EXOC5: variants seen among roughly 807,000 people sequenced by gnomAD.
EXOC5 encodes the protein SEC10-like 1.
A neutral mutation model predicts 90.8 loss-of-function variants in EXOC5; 17 were observed. The ratio of observed to expected loss-of-function variants is 0.19; its 90% confidence interval spans 0.13 to 0.28. The LOEUF (loss-of-function observed/expected upper bound fraction) is 0.28, where lower values mean the gene tolerates loss of function less well. Among genes scored for constraint, EXOC5 ranks in the 10% least tolerant of loss-of-function variants. The probability of loss-of-function intolerance (pLI) is 1.00; values close to 1 mark genes in which losing one functional copy is unlikely to be tolerated. For missense variants in EXOC5, 569 were observed against 830.6 expected (o/e 0.69, Z 3.87); for synonymous variants, 260 against 270.0 (o/e 0.96, Z 0.36).
At chr14:57,235,967 C>T in intron 6 of EXOC5, 147 bp from the exon 7 acceptor site, 1 of 585,276 alleles carries the variant, frequency 1.7e-6, no homozygotes, top group Non-Finnish European at 3.1e-6. Context: ...AGGCCGTGAA[C>T]CCAGCCCCTG....
intron 1 of EXOC5, among the ~76,000 whole-genome samples, chr14:57,265,032 G>A (rs1012964809): frequency 6.6e-6 from 1 of 151,936 alleles, no homozygotes; most frequent in African/African-American, 2.4e-5. Context: ...AAAAAAGTTG[G>A]GGAAATGGAC....
intron 15 of EXOC5, 98 bp downstream of exon 15, chr14:57,217,884 A>G: frequency 2.9e-6 from 2 of 689,108 alleles, no homozygotes; most frequent in Admixed American, 5.5e-5. Flanking sequence ...GGTGGAATTA[A>G]GATAAATATT....
intron 1 of EXOC5, among the ~76,000 whole-genome samples, chr14:57,265,548 C>T (rs1308605324): frequency 3.3e-5 from 5 of 152,174 alleles, no homozygotes; most frequent in Admixed American, 3.3e-4. Context: ...CATGGTAAAA[C>T]CTTATTTCTG....
intron 2 of EXOC5, 47 bp downstream of exon 2, chr14:57,247,571 A>G (rs1445755788): frequency 2.4e-6 from 2 of 822,720 alleles, no homozygotes; most frequent in Non-Finnish European, 3.9e-6. Flanking sequence ...TCTAACACTA[A>G]TGTGTACCAG....
At position 57,202,482 on chromosome 14, in the gene EXOC5, T is replaced by C. The variant is rs912962580; in HGVS notation, c.*6127A>G. Reference sequence around the variant, plus strand: ...GCAGCATCATGACAGCGACTTATTCTCAAAAGGGAAAAATTTTATTTGTAC... The same window carrying C: ...GCAGCATCATGACAGCGACTTATTCCCAAAAGGGAAAAATTTTATTTGTAC... On this transcript the variant is annotated 3_prime_UTR_variant, in exon 18 of 18. Coordinates refer to ENST00000621441, the MANE Select transcript of EXOC5 (RefSeq NM_006544.4). The C allele has an allele frequency of 7.9e-5, 12 of 152,314 alleles. No individual in the cohort carries two copies. Among genetic ancestry groups the C allele is most frequent in the Admixed American group, 7.8e-4 (12 of 15,302 alleles). The allele number at this position is 152,314 out of a possible 1,614,324, so 9.4% of individuals were successfully genotyped here.
At chr14:57,254,365 G>A (rs1032290900) in intron 1 of EXOC5, among the ~76,000 whole-genome samples, 3 of 151,890 alleles carry the variant, frequency 2.0e-5, no homozygotes, top group African/African-American at 7.3e-5. Flanking sequence ...AACTCGTGAG[G>A]CAGAGGTTGC....
intron 4 of EXOC5, among the ~76,000 whole-genome samples, chr14:57,239,928 A>G (rs995267245): frequency 1.3e-5 from 2 of 152,150 alleles, no homozygotes; most frequent in African/African-American, 4.8e-5. Context: ...TCCCTTCCCA[A>G]TGAAACCTGT....
intron 2 of EXOC5, 67 bp from the exon 3 acceptor site, chr14:57,246,925 AC>A: frequency 1.1e-6 from 1 of 887,436 alleles, no homozygotes; most frequent in Non-Finnish European, 1.7e-6. Flanking sequence ...TGACCAGTTA[AC>A]TTATAATCAT....
intron 4 of EXOC5, 121 bp downstream of exon 4, chr14:57,244,044 C>CT: frequency 1.5e-6 from 1 of 653,710 alleles, no homozygotes; most frequent in Non-Finnish European, 2.7e-6. Context: ...ACAATAAAAA[C>CT]TTTTAATAAG....
intron 1 of EXOC5, among the ~76,000 whole-genome samples, chr14:57,255,597 G>A (rs148364875): frequency 1.3e-5 from 2 of 152,220 alleles, no homozygotes; most frequent in Non-Finnish European, 2.9e-5. Context: ...TGCACTGATC[G>A]GGTGTGGTGG....
At chr14:57,262,726 T>C (rs1378571756) in intron 1 of EXOC5, among the ~76,000 whole-genome samples, 1 of 148,644 alleles carries the variant, frequency 6.7e-6, no homozygotes. Context: ...TGTGTGTGTA[T>C]ATATACGTAT....
Position 57,268,748 on chromosome 14 carries a change from C to T in EXOC5, c.-100G>A. ...CACAGGTCTCCGCTCGGCTCGCCAG[C>T]TCCGGCTCCGGGCCGCTGCGGGCTC... On this transcript the variant is annotated 5_prime_UTR_variant, in exon 1 of 18. Coordinates refer to ENST00000621441, the MANE Select transcript of EXOC5 (RefSeq NM_006544.4). 6.8e-7 allele frequency: 1 copy of T among 1,480,082 alleles called. No homozygotes were observed. The highest frequency in any genetic ancestry group is 2.3e-5 in the Admixed American group (1 of 44,146). The allele number at this position is 1,480,082 out of a possible 1,614,324, so 91.7% of individuals were successfully genotyped here. A position where few individuals can be genotyped will look rare whatever the true frequency, so the allele number is the denominator to read the frequency against.
intron 1 of EXOC5, among the ~76,000 whole-genome samples, chr14:57,259,656 C>T (rs1884445316): frequency 6.6e-6 from 1 of 152,150 alleles, no homozygotes; most frequent in Admixed American, 6.5e-5. Flanking sequence ...TTGAAGGGTT[C>T]CTTCCTTACA....
At chr14:57,235,168 C>A (rs1164779842) in intron 7 of EXOC5, among the ~76,000 whole-genome samples, 1 of 152,094 alleles carries the variant, frequency 6.6e-6, no homozygotes, top group African/African-American at 2.4e-5. Context: ...ATCAAAGAAA[C>A]AGATTGAAGG....
At chr14:57,264,399 G>A (rs947739796) in intron 1 of EXOC5, among the ~76,000 whole-genome samples, 1 of 152,106 alleles carries the variant, frequency 6.6e-6, no homozygotes, top group Non-Finnish European at 1.5e-5. Flanking sequence ...GTGGGAAAAG[G>A]TGTTCTTCAA....
chr14:57,257,362 C>T (rs1195262322), intron 1 of EXOC5, among the ~76,000 whole-genome samples: 1 of 152,056 alleles, frequency 6.6e-6, no homozygotes, highest in Non-Finnish European at 1.5e-5. Context: ...ATATAGAGCA[C>T]ATAGATGGAA....
At chr14:57,246,678 T>C (rs1462644015) in intron 3 of EXOC5, 33 bp downstream of exon 3, 2 of 1,571,804 alleles carry the variant, frequency 1.3e-6, no homozygotes, top group Non-Finnish European at 1.7e-6. Flanking sequence ...TTATAGCCTA[T>C]ATAAAATACC....
At position 57,223,949 on chromosome 14, in the gene EXOC5, A is replaced by G. The variant is rs367636175; in HGVS notation, c.1297-1533T>C. Reference sequence around the variant, plus strand: ...CCTAAATATTTGGAAACTAAATAACATATTTCTAAATCACGTTTGGGCCAG... The same window carrying G: ...CCTAAATATTTGGAAACTAAATAACGTATTTCTAAATCACGTTTGGGCCAG... On this transcript the variant is annotated intron_variant, in intron 12 of 17. Transcript: ENST00000621441. Among the ~76,000 whole-genome samples the G allele has an allele frequency of 2.7e-4, 41 of 152,340 alleles. 1 individual carries two copies. The highest frequency in any genetic ancestry group is 8.2e-4 in the African/African-American group (34 of 41,594).
At chr14:57,243,588 T>C (rs558763117) in intron 4 of EXOC5, 1 of 152,198 alleles carries the variant, frequency 6.6e-6, no homozygotes, top group Non-Finnish European at 1.5e-5. Flanking sequence ...TTCAAGATTG[T>C]AGAGCAGCCA....
Sources: gnomAD v4.1 joint callset for allele counts (sites outside exome capture counted in the v4.1 genomes callset) on GRCh38, gnomAD v4.1.1 for gene constraint, MANE v1.5 for transcripts, NCBI Gene and HGNC (gene_info 2026-07-23, HGNC 2026-07-21) for gene names.